The following FAM117B variants were observed in gnomAD, a reference collection of about 807,000 sequenced individuals.
FAM117B encodes protein FAM117B.
A neutral mutation model predicts 52.8 loss-of-function variants in FAM117B; 22 were observed. The observed-to-expected ratio is 0.42, with a 90% CI of 0.30 to 0.59. The LOEUF (loss-of-function observed/expected upper bound fraction) is 0.59, where lower values mean the gene tolerates loss of function less well. Ranked by LOEUF, FAM117B falls within the 20% of genes least tolerant of loss-of-function variation. FAM117B has a pLI of 0.22. For missense variants in FAM117B, 678 were observed against 802.6 expected (o/e 0.84, Z 1.88); for synonymous variants, 309 against 324.1 (o/e 0.95, Z 0.50).
intron 7 of FAM117B, among the ~76,000 whole-genome samples, chr2:202,761,866 G>A (rs1242851302): frequency 4.6e-5 from 7 of 151,826 alleles, no homozygotes; most frequent in Non-Finnish European, 1.0e-4. Context: ...GTTAGTAGAA[G>A]GTAAACCTAT....
At chr2:202,743,862 C>A (rs1399368561) in intron 4 of FAM117B, among the ~76,000 whole-genome samples, 1 of 152,098 alleles carries the variant, frequency 6.6e-6, no homozygotes, top group African/African-American at 2.4e-5. Flanking sequence ...GATGACAAAG[C>A]CTCTGTGACA....
At chr2:202,761,242 A>G (rs1423657762) in intron 7 of FAM117B, among the ~76,000 whole-genome samples, 1 of 152,234 alleles carries the variant, frequency 6.6e-6, no homozygotes, top group Non-Finnish European at 1.5e-5. Context: ...GGATTTGCCT[A>G]AGTGCTAAAT....
intron 2 of FAM117B, among the ~76,000 whole-genome samples, chr2:202,712,631 CTTACAGGAAAGGGT>C (rs1690976624): frequency 1.3e-5 from 2 of 152,012 alleles, no homozygotes; most frequent in South Asian, 4.1e-4. Context: ...TATTCCCTAT[CTTACAGGAAAGGGT>C]TTCCATTTTT....
intron 1 of FAM117B, among the ~76,000 whole-genome samples, chr2:202,657,868 AT>A (rs554055781): frequency 4.6e-5 from 7 of 151,268 alleles, no homozygotes; most frequent in South Asian, 2.1e-4. Context: ...TAATTTATGT[AT>A]TTTTTTTGAC....
chr2:202,684,575 GC>G (rs921479275), intron 1 of FAM117B, among the ~76,000 whole-genome samples: 39 of 152,126 alleles, frequency 2.6e-4, no homozygotes, highest in African/African-American at 9.2e-4. Context: ...AAATCATTAT[GC>G]CCCCAAGCAC....
chr2:202,635,109 G>A lies in FAM117B; in HGVS notation c.-79G>A. 1 of 1,251,506 alleles carries A rather than the reference G, an allele frequency of 8.0e-7. No individual in the cohort carries two copies. 77.5% of individuals were successfully genotyped at this position (1,251,506 alleles called of 1,614,324 possible). Reference sequence around the variant, plus strand: ...CCCCGTCTTGGGGGGCCTGCCCTCCGGCCTCGAGAATCCTCCCCCTGCAGC... The same window carrying A: ...CCCCGTCTTGGGGGGCCTGCCCTCCAGCCTCGAGAATCCTCCCCCTGCAGC... On this transcript the variant is annotated 5_prime_UTR_variant, in exon 1 of 8. Transcript: ENST00000392238.
intron 2 of FAM117B, among the ~76,000 whole-genome samples, chr2:202,707,086 A>G (rs1483577478): frequency 1.3e-5 from 2 of 152,000 alleles, no homozygotes; most frequent in Admixed American, 6.6e-5. Flanking sequence ...GCTTGTCACC[A>G]GCTGGAGTGC....
chr2:202,665,182 T>C lies in FAM117B; in HGVS notation c.601+29394T>C, dbSNP rs141305182. On this transcript the variant is annotated intron_variant, in intron 1 of 7. Coordinates refer to ENST00000392238, the MANE Select transcript of FAM117B (RefSeq NM_173511.4). The stretch of plus-strand genomic sequence containing the variant: ...TCCACATGACCCTCTCAATTTTCTT[T>C]TTTCTTTTTTTTTTTTTGAGACAGA... Among the ~76,000 whole-genome samples the C allele has an allele frequency of 1.1e-3, 167 of 152,098 alleles. 1 individual carries two copies. The highest frequency in any genetic ancestry group is 3.8e-3 in the African/African-American group (157 of 41,516).
chr2:202,641,805 A>G (rs1689773545), intron 1 of FAM117B, among the ~76,000 whole-genome samples: 1 of 150,448 alleles, frequency 6.6e-6, no homozygotes, highest in South Asian at 2.1e-4. Flanking sequence ...CGCCCAGCTA[A>G]CTTTTGTATT....
chr2:202,724,815 A>C (rs1016474285), intron 2 of FAM117B, 102 bp from the exon 3 acceptor site: 10 of 769,906 alleles, frequency 1.3e-5, no homozygotes, highest in Non-Finnish European at 1.9e-5. Flanking sequence ...TTTAATGTCT[A>C]ATTTTTTTGT....
At chr2:202,708,722 C>T (rs1315441269) in intron 2 of FAM117B, among the ~76,000 whole-genome samples, 1 of 152,194 alleles carries the variant, frequency 6.6e-6, no homozygotes, top group Non-Finnish European at 1.5e-5. Flanking sequence ...CCTCCTGCCT[C>T]AGCCTCCCAA....
intron 4 of FAM117B, among the ~76,000 whole-genome samples, chr2:202,746,169 C>T (rs1275821484): frequency 1.3e-5 from 2 of 152,140 alleles, no homozygotes; most frequent in African/African-American, 2.4e-5. Context: ...GCACATGGAA[C>T]ATTCTCCAGG....
chr2:202,734,683 C>T (rs1429567597), intron 4 of FAM117B, among the ~76,000 whole-genome samples: 1 of 152,090 alleles, frequency 6.6e-6, no homozygotes, highest in African/African-American at 2.4e-5. Flanking sequence ...TTGTGTTGTC[C>T]AGAGGCTTAA....
intron 1 of FAM117B, among the ~76,000 whole-genome samples, chr2:202,691,309 C>T (rs923150876): frequency 1.3e-5 from 2 of 152,040 alleles, no homozygotes; most frequent in Non-Finnish European, 2.9e-5. Context: ...ATCCCAGCTA[C>T]TTGGGAGGCT....
At position 202,635,367 on chromosome 2, in the gene FAM117B, C is replaced by A; in HGVS notation, c.180C>A (p.Gly60=). 7.3e-7 allele frequency: 1 copy of A among 1,370,660 alleles called. No homozygotes were observed. The highest frequency in any genetic ancestry group is 3.2e-5 in the Admixed American group (1 of 31,134). The allele number at this position is 1,370,660 out of a possible 1,614,324, so 84.9% of individuals were successfully genotyped here. A position where few individuals can be genotyped will look rare whatever the true frequency, so the allele number is the denominator to read the frequency against. ...QHGSPTRSGG[G]GGGNNNGGCC... is the part of the protein sequence containing the mutation. Reference sequence around the variant, plus strand: ...GCAGCCCCACGCGGAGCGGCGGCGGCGGCGGCGGCAACAACAACGGTGGCT... The same window carrying A: ...GCAGCCCCACGCGGAGCGGCGGCGGAGGCGGCGGCAACAACAACGGTGGCT... Residue 60 remains glycine (G), a synonymous_variant, in exon 1 of 8, where the codon GGC becomes GGA. Coordinates refer to ENST00000392238, the MANE Select transcript of FAM117B (RefSeq NM_173511.4).
chr2:202,710,099 G>A (rs770190239), intron 2 of FAM117B, among the ~76,000 whole-genome samples: 24 of 152,054 alleles, frequency 1.6e-4, no homozygotes, highest in Admixed American at 1.5e-3. Flanking sequence ...AATTTATTTG[G>A]CTATTCGTGG....
At chr2:202,672,494 A>G (rs1159345848) in intron 1 of FAM117B, among the ~76,000 whole-genome samples, 2 of 152,202 alleles carry the variant, frequency 1.3e-5, no homozygotes, top group South Asian at 2.1e-4. Flanking sequence ...GATTACAGGC[A>G]TGAGCCACTG....
chr2:202,641,035 T>C (rs1019893319), intron 1 of FAM117B, among the ~76,000 whole-genome samples: 1 of 152,266 alleles, frequency 6.6e-6, no homozygotes, highest in African/African-American at 2.4e-5. Flanking sequence ...TCTGTAAGCT[T>C]TGATTGAACT....
At chr2:202,640,293 AAAATATATATATATATATATATAT>A (rs1373819027) in intron 1 of FAM117B, among the ~76,000 whole-genome samples, 32 of 61,688 alleles carry the variant, frequency 5.2e-4, no homozygotes, top group Non-Finnish European at 7.8e-4. Context: ...CCACCACCAC[AAAATATATATATATATATATATAT>A]ATATATATAT....
Sources: gnomAD v4.1 joint callset for allele counts (sites outside exome capture counted in the v4.1 genomes callset) on GRCh38, gnomAD v4.1.1 for gene constraint, MANE v1.5 for transcripts, NCBI Gene and HGNC (gene_info 2026-07-23, HGNC 2026-07-21) for gene names.